Variants in TSR1 observed in about 807,000 individuals in gnomAD.
TSR1 encodes the protein pre-rRNA-processing protein TSR1 homolog.
A neutral mutation model predicts 90.9 loss-of-function variants in TSR1; 81 were observed. The ratio of observed to expected loss-of-function variants is 0.89; its 90% confidence interval spans 0.74 to 1.07. The LOEUF is 1.07. Ranked by LOEUF, TSR1 falls within the 50% of genes least tolerant of loss-of-function variation. The pLI is 0.00. For synonymous variants in TSR1, 362 were observed against 348.8 expected, an observed-to-expected ratio of 1.04 and a Z score of -0.42; for missense variants, 989 against 987.3, an observed-to-expected ratio of 1.00 and a Z score of -0.02.
Position 2,333,628 on chromosome 17 carries a change from G to T in TSR1, c.1070C>A (p.Ala357Glu). Residue 357 changes from alanine (A) to glutamate (E), a missense_variant, in exon 6 of 15, where the codon GCA becomes GAA. Transcript: ENST00000301364. ...ADPGRQESLQ[A>E]EVIPDPMEGE... ...CTCCATTGGATCTGGGATAACCTCT[G>T]CTTGCAAGGATTCCTGTCTACCAGG... is the stretch of plus-strand genomic sequence containing the variant. 1 of 1,614,078 alleles carries T rather than the reference G, an allele frequency of 6.2e-7. No homozygotes were observed. Among genetic ancestry groups the T allele is most frequent in the Non-Finnish European group, 8.5e-7 (1 of 1,180,032 alleles).
At chr17:2,327,785 C>T (rs2075583575) in intron 11 of TSR1, among the ~76,000 whole-genome samples, 1 of 151,784 alleles carries the variant, frequency 6.6e-6, no homozygotes, top group Non-Finnish European at 1.5e-5. Flanking sequence ...CAATTACAAT[C>T]CAAATTGTGT....
chr17:2,330,332 G>A, intron 10 of TSR1, 183 bp downstream of exon 10: 1 of 731,550 alleles, frequency 1.4e-6, no homozygotes, highest in Non-Finnish European at 2.5e-6. Flanking sequence ...CTTCAGACAG[G>A]TTCAGACGAT....
At position 2,333,718 on chromosome 17, in the gene TSR1, T is replaced by C; in HGVS notation, c.982-2A>G. 5.0e-6 allele frequency: 8 copies of C among 1,613,932 alleles called. No homozygotes were observed. The highest frequency in any genetic ancestry group is 6.8e-6 in the Non-Finnish European group (8 of 1,179,932). On this transcript the variant is annotated splice_acceptor_variant, in intron 5 of 14. Transcript: ENST00000301364. LOFTEE classifies it high-confidence loss of function. ...ATCTACAGCATCCGTAGCACAAATC[T>C]GAAAACCAAAAGCAGGTGATAGTCA...
chr17:2,334,300 A>G (rs1305427530), intron 5 of TSR1, among the ~76,000 whole-genome samples, 172 bp downstream of exon 5: 1 of 152,224 alleles, frequency 6.6e-6, no homozygotes, highest in African/African-American at 2.4e-5. Flanking sequence ...CAGACTACCT[A>G]GAAAGTGCTG....
chr17:2,332,848 AT>A, intron 7 of TSR1, 112 bp downstream of exon 7: 14 of 1,106,024 alleles, frequency 1.3e-5, no homozygotes, highest in Non-Finnish European at 1.8e-5. Flanking sequence ...TAAAAAAAAA[AT>A]AAAAAAAATA....
In TSR1 at chr17:2,335,740, G is replaced by A. The variant is rs755154525; in HGVS notation, c.202-10C>T. 6.2e-7 allele frequency: 1 copy of A among 1,610,830 alleles called. No individual in the cohort carries two copies. Among genetic ancestry groups the A allele is most frequent in the Non-Finnish European group, 8.5e-7 (1 of 1,179,332 alleles). ...TCTTCTCTGCCAGAACCTGAAAATAGAAAGATATCCGAGAACATCTCAGTG... is the reference window on the plus strand; with the variant it reads ...TCTTCTCTGCCAGAACCTGAAAATAAAAAGATATCCGAGAACATCTCAGTG... On this transcript the variant is annotated splice_polypyrimidine_tract_variant and intron_variant, in intron 2 of 14. Coordinates refer to ENST00000301364, the MANE Select transcript of TSR1 (RefSeq NM_018128.5).
Position 2,324,582 on chromosome 17 carries a change from A to C in TSR1, c.2162-4T>G. ...GGTTTAAACCACAGCACATCCTCTT[A>C]GAATCAAACACATTAAAGACCAAGA... On this transcript the variant is annotated splice_polypyrimidine_tract_variant and splice_region_variant and intron_variant, in intron 13 of 14. Coordinates refer to ENST00000301364, the MANE Select transcript of TSR1 (RefSeq NM_018128.5). 6.2e-7 allele frequency: 1 copy of C among 1,614,194 alleles called. No individual in the cohort carries two copies. The highest frequency in any genetic ancestry group is 8.5e-7 in the Non-Finnish European group (1 of 1,180,032).
chr17:2,326,367 A>G (rs2075576115), intron 11 of TSR1, among the ~76,000 whole-genome samples: 1 of 152,060 alleles, frequency 6.6e-6, no homozygotes, highest in African/African-American at 2.4e-5. Flanking sequence ...TGGGCAACAT[A>G]TCTTCCTGCT....
chr17:2,323,458 G>C lies in TSR1; in HGVS notation c.*738C>G. On this transcript the variant is annotated 3_prime_UTR_variant, in exon 15 of 15. Transcript: ENST00000301364. Reference sequence around the variant, plus strand: ...CGGGAACCTGACTAGGTAACTTCATGACATGGGAGGGTACCCTAGATGTAT... The same window carrying C: ...CGGGAACCTGACTAGGTAACTTCATCACATGGGAGGGTACCCTAGATGTAT... The C allele has an allele frequency of 1.6e-6, 2 of 1,274,874 alleles. No individual in the cohort carries two copies. Among genetic ancestry groups the C allele is most frequent in the Non-Finnish European group, 1.1e-6 (1 of 900,824 alleles). The allele number at this position is 1,274,874 out of a possible 1,614,324, so 79.0% of individuals were successfully genotyped here. A position where few individuals can be genotyped will look rare whatever the true frequency, so the allele number is the denominator to read the frequency against.
rs550933525 is a variant in TSR1 at position 2,322,563 on chromosome 17, C to G, written c.*1633G>C. The G allele has an allele frequency of 6.6e-6, 1 of 152,406 alleles. No homozygotes were observed. Among genetic ancestry groups the G allele is most frequent in the Non-Finnish European group, 1.5e-5 (1 of 68,402 alleles). 9.4% of individuals were successfully genotyped at this position (152,406 alleles called of 1,614,324 possible). On this transcript the variant is annotated 3_prime_UTR_variant, in exon 15 of 15. Coordinates refer to ENST00000301364, the MANE Select transcript of TSR1 (RefSeq NM_018128.5). The stretch of plus-strand genomic sequence containing the variant: ...TCACCCAGGCTGGAGTGCAGTGGCA[C>G]GATCTTGGCTCACTGCAAGCTCCAC...
intron 11 of TSR1, chr17:2,329,130 C>T (rs2075591137): frequency 1.2e-6 from 1 of 810,080 alleles, no homozygotes; most frequent in Non-Finnish European, 2.1e-6. Flanking sequence ...GGCAAAAAAG[C>T]CTCAGTATCA....
At chr17:2,331,763 T>C (rs1000724567) in intron 8 of TSR1, among the ~76,000 whole-genome samples, 1 of 152,168 alleles carries the variant, frequency 6.6e-6, no homozygotes, top group African/African-American at 2.4e-5. Flanking sequence ...TACCTCCTAA[T>C]ATCCAAAATT....
intron 11 of TSR1, among the ~76,000 whole-genome samples, chr17:2,325,822 A>G (rs2075573374): frequency 6.6e-6 from 1 of 152,164 alleles, no homozygotes; most frequent in Non-Finnish European, 1.5e-5. Context: ...CATGTTGGCC[A>G]GGCTGGTCTC....
rs536646739 is a variant in TSR1 at position 2,323,031 on chromosome 17, T to C, written c.*1165A>G. 3.3e-6 allele frequency: 4 copies of C among 1,207,160 alleles called. No individual in the cohort carries two copies. Among genetic ancestry groups the C allele is most frequent in the East Asian group, 4.8e-5 (2 of 42,052 alleles). The allele number at this position is 1,207,160 out of a possible 1,614,324, so 74.8% of individuals were successfully genotyped here. A position where few individuals can be genotyped will look rare whatever the true frequency, so the allele number is the denominator to read the frequency against. On this transcript the variant is annotated 3_prime_UTR_variant, in exon 15 of 15. Coordinates refer to ENST00000301364, the MANE Select transcript of TSR1 (RefSeq NM_018128.5). ...CCACCCGCCTCGGGCTCCCAAAGTG[T>C]TGGGATTACAGGTGTGAGCCACCAC...
At chr17:2,330,295 CCA>C (rs757362188) in intron 10 of TSR1, 20 of 675,772 alleles carry the variant, frequency 3.0e-5, no homozygotes, top group Non-Finnish European at 5.5e-5. Flanking sequence ...AGTCTCAGAA[CCA>C]CACAGAGATT....
Position 2,324,261 on chromosome 17 carries a change from G to C in TSR1, c.2350C>G (p.Pro784Ala). 1 of 1,549,122 alleles carries C rather than the reference G, an allele frequency of 6.5e-7. No individual in the cohort carries two copies. Among genetic ancestry groups the C allele is most frequent in the Non-Finnish European group, 8.7e-7 (1 of 1,153,366 alleles). The change falls in exon 15 of 15, where the codon CCA becomes GCA. Residue 784 changes from proline to alanine, a missense_variant. Coordinates refer to ENST00000301364, the MANE Select transcript of TSR1 (RefSeq NM_018128.5). ...CTTTTCAGCCAGGGTACTGGTTCTG[G>C]TACATATGGATCATAAGTCCATTTG... ...FPKWTYDPYV[P>A]EPVPWLKSEI...
intron 11 of TSR1, 49 bp downstream of exon 11, chr17:2,329,294 C>T: frequency 1.2e-6 from 2 of 1,611,792 alleles, no homozygotes. Context: ...CCACAAGTCA[C>T]TTTCCCAAAA....
In TSR1 at chr17:2,335,654, C is replaced by G. The variant is rs775801503; in HGVS notation, c.278G>C (p.Arg93Thr). The G allele has an allele frequency of 6.2e-7, 1 of 1,614,182 alleles. No individual in the cohort carries two copies. Among genetic ancestry groups the G allele is most frequent in the African/African-American group, 1.3e-5 (1 of 75,058 alleles). ...CTGCATGGCCTCTGGCAGGGAAATT[C>G]TGCTGTGCAGGGGCACCACCAGTAC... ...HQVLVVPLHS[R>T]ISLPEAMQLL... Residue 93 changes from arginine to threonine, a missense_variant, in exon 3 of 15, where the codon AGA becomes ACA. Arg to Thr is a moderately conservative substitution (Grantham distance 71). Transcript: ENST00000301364.
chr17:2,334,512 C>G lies in TSR1; in HGVS notation c.941G>C (p.Arg314Thr). The G allele has an allele frequency of 6.2e-7, 1 of 1,614,086 alleles. No homozygotes were observed. Among genetic ancestry groups the G allele is most frequent in the Non-Finnish European group, 8.5e-7 (1 of 1,180,010 alleles). Residue 314 changes from arginine (R) to threonine (T), a missense_variant, in exon 5 of 15, where the codon AGA (arginine) becomes ACA (threonine). Coordinates refer to ENST00000301364, the MANE Select transcript of TSR1 (RefSeq NM_018128.5). Reference sequence around the variant, plus strand: ...TGGGTCCTTTTGGGGTTTAATTCCTCTAGGATTTAAAGGGAAAGGGTCTCC... The same window carrying G: ...TGGGTCCTTTTGGGGTTTAATTCCTGTAGGATTTAAAGGGAAAGGGTCTCC... ...APGDPFPLNP[R>T]GIKPQKDPDM...
Sources: allele counts gnomAD v4.1 joint callset (sites outside exome capture counted in the v4.1 genomes callset), GRCh38; gene constraint gnomAD v4.1.1; transcripts MANE v1.5; gene names NCBI Gene and HGNC (gene_info 2026-07-23, HGNC 2026-07-21).